The following ALK variants were observed in gnomAD, a reference collection of about 807,000 sequenced individuals.
ALK encodes the protein ALK tyrosine kinase receptor.
Under a neutral mutation model 163.1 loss-of-function variants are expected in ALK, and 74 were observed. The ratio of observed to expected loss-of-function variants is 0.45; its 90% CI spans 0.38 to 0.55. ALK has a LOEUF of 0.55. Among genes scored for constraint, ALK ranks in the 20% least tolerant of loss-of-function variants. The pLI, the probability that ALK is intolerant of heterozygous loss-of-function variation, is 0.00. For synonymous variants in ALK, 960 were observed against 843.2 expected (o/e 1.14, Z -2.40); for missense variants, 2,063 against 2,105.3 (o/e 0.98, Z 0.39).
intron 4 of ALK, among the ~76,000 whole-genome samples, chr2:29,488,203 A>G (rs896167563): frequency 3.9e-5 from 6 of 152,154 alleles, no homozygotes; most frequent in Admixed American, 2.0e-4. Context: ...CATTATTTGC[A>G]TTCTTTTAGT....
intron 5 of ALK, among the ~76,000 whole-genome samples, chr2:29,349,234 G>T (rs1301011708): frequency 6.6e-6 from 1 of 152,146 alleles, no homozygotes; most frequent in Non-Finnish European, 1.5e-5. Context: ...CTAATTACTG[G>T]GAAGCAGTGG....
In ALK at chr2:29,275,142, G is replaced by T; in HGVS notation, c.1998C>A (p.Pro666=). 1 of 1,614,092 alleles carries T rather than the reference G, an allele frequency of 6.2e-7. No individual in the cohort carries two copies. Among genetic ancestry groups the T allele is most frequent in the Non-Finnish European group, 8.5e-7 (1 of 1,180,024 alleles). The change falls in exon 11 of 29, where the codon CCC becomes CCA. Residue 666 remains proline, a synonymous_variant. Transcript: ENST00000389048. The part of the protein sequence containing the change: ...FERNPNKELK[P]GENSPRQTPI... Reference sequence around the variant, plus strand: ...GGGTCTGTCTTGGTGAATTTTCCCCGGGTTTCAGCTCCTTGTTTGGGTTTC... The same window carrying T: ...GGGTCTGTCTTGGTGAATTTTCCCCTGGTTTCAGCTCCTTGTTTGGGTTTC...
At position 29,556,232 on chromosome 2, in the gene ALK, T is replaced by C. The variant is rs889118608; in HGVS notation, c.953-24116A>G. ...GTCCTGGCTCTGCCATTACTTGCTG[T>C]GTGATCTTACTGTAGGACAAGGCAT... On this transcript the variant is annotated intron_variant, in intron 3 of 28. Coordinates refer to ENST00000389048, the MANE Select transcript of ALK (RefSeq NM_004304.5). 2.0e-5 allele frequency among the ~76,000 whole-genome samples: 3 copies of C among 152,312 alleles called. No individual in the cohort carries two copies. The South Asian group carries it at 6.2e-4, about 32-fold the overall frequency.
intron 10 of ALK, 22 bp downstream of exon 10, chr2:29,275,380 G>C: frequency 6.2e-7 from 1 of 1,613,008 alleles, no homozygotes; most frequent in South Asian, 1.1e-5. Flanking sequence ...GGGACAGAGT[G>C]CTGGGGTCAG....
At chr2:29,688,041 G>A (rs142944585) in intron 3 of ALK, among the ~76,000 whole-genome samples, 71 of 152,308 alleles carry the variant, frequency 4.7e-4, no homozygotes, top group African/African-American at 1.6e-3. Flanking sequence ...GATATATCTC[G>A]ACTTTGGAGA....
At chr2:29,744,108 C>T (rs1230728155) in intron 1 of ALK, among the ~76,000 whole-genome samples, 2 of 152,050 alleles carry the variant, frequency 1.3e-5, no homozygotes, top group African/African-American at 4.8e-5. Context: ...TATTAGTTTC[C>T]TACATGACCT....
rs75535631 is a variant in ALK, at chr2:29,623,434, A to C, written c.952+71416T>G. ...TATGATAAAACATTAAATGAAAATGACATAAAACACATGGACAGGATGATA... is the reference window on the plus strand; with the variant it reads ...TATGATAAAACATTAAATGAAAATGCCATAAAACACATGGACAGGATGATA... On this transcript the variant is annotated intron_variant, in intron 3 of 28. Transcript: ENST00000389048. 4.0e-3 allele frequency among the ~76,000 whole-genome samples: 612 copies of C among 152,310 alleles called. 8 individuals are homozygous for C. Among genetic ancestry groups the C allele is most frequent in the African/African-American group, 0.014 (583 of 41,560 alleles).
chr2:29,494,111 T>A (rs1257510017), intron 4 of ALK, among the ~76,000 whole-genome samples: 1 of 152,198 alleles, frequency 6.6e-6, no homozygotes, highest in African/African-American at 2.4e-5. Context: ...GGCTTAGATG[T>A]GTGGCTTAGA....
intron 3 of ALK, among the ~76,000 whole-genome samples, chr2:29,632,439 GATTAA>G (rs1406203215): frequency 2.6e-5 from 4 of 152,064 alleles, no homozygotes; most frequent in South Asian, 2.1e-4. Flanking sequence ...TAAGAGATAA[GATTAA>G]ATTAAAGTTA....
chr2:29,502,235 C>T (rs577490850), intron 4 of ALK, among the ~76,000 whole-genome samples: 2 of 152,282 alleles, frequency 1.3e-5, no homozygotes, highest in South Asian at 2.1e-4. Flanking sequence ...TTCTCTAATG[C>T]GAGTCCCTTG....
At chr2:29,727,646 T>C (rs960328539) in intron 1 of ALK, among the ~76,000 whole-genome samples, 2 of 152,216 alleles carry the variant, frequency 1.3e-5, no homozygotes, top group Non-Finnish European at 2.9e-5. Flanking sequence ...ATCCTTGTGC[T>C]TTTACTAAGG....
chr2:29,357,076 A>T (rs1464960764), intron 5 of ALK, among the ~76,000 whole-genome samples: 2 of 152,148 alleles, frequency 1.3e-5, no homozygotes, highest in African/African-American at 4.8e-5. Flanking sequence ...CATGGTACTC[A>T]CTTCTGCTCT....
intron 4 of ALK, among the ~76,000 whole-genome samples, chr2:29,405,523 T>A (rs1317251069): frequency 6.6e-6 from 1 of 152,184 alleles, no homozygotes; most frequent in Non-Finnish European, 1.5e-5. Flanking sequence ...TTGTGTTGAG[T>A]TCCTACGGCA....
At chr2:29,354,880 C>A (rs1394288139) in intron 5 of ALK, among the ~76,000 whole-genome samples, 2 of 151,852 alleles carry the variant, frequency 1.3e-5, no homozygotes, top group Non-Finnish European at 2.9e-5. Flanking sequence ...CATTCTCCTG[C>A]CTCAGCCTCC....
At chr2:29,735,807 A>G (rs113975650) in intron 1 of ALK, among the ~76,000 whole-genome samples, 2 of 152,092 alleles carry the variant, frequency 1.3e-5, no homozygotes, top group African/African-American at 4.8e-5. Context: ...ATTTGCTTCA[A>G]TTTCTGCCAC....
intron 9 of ALK, among the ~76,000 whole-genome samples, chr2:29,278,983 G>GA (rs11423128): frequency 0.91 from 137,881 of 152,064 alleles, 63,455 homozygotes; most frequent in Non-Finnish European, 0.99. Flanking sequence ...TGTGCCTGGG[G>GA]GGGGGGACAG....
intron 5 of ALK, among the ~76,000 whole-genome samples, chr2:29,353,601 C>T (rs1668170671): frequency 6.6e-6 from 1 of 152,034 alleles, no homozygotes; most frequent in Non-Finnish European, 1.5e-5. Flanking sequence ...CTGCTCCTGT[C>T]TGTACACCAG....
intron 1 of ALK, among the ~76,000 whole-genome samples, chr2:29,753,747 G>A (rs1415993915): frequency 3.3e-5 from 5 of 152,034 alleles, no homozygotes; most frequent in East Asian, 1.9e-4. Flanking sequence ...GTTTAAACTC[G>A]GCTGAACCAT....
chr2:29,613,581 G>C (rs746455702), intron 3 of ALK, among the ~76,000 whole-genome samples: 1 of 152,134 alleles, frequency 6.6e-6, no homozygotes, highest in Non-Finnish European at 1.5e-5. Flanking sequence ...TTTAGCCAGG[G>C]CGTATGTCAC....
Sources: allele counts gnomAD v4.1 joint callset (sites outside exome capture counted in the v4.1 genomes callset), GRCh38; gene constraint gnomAD v4.1.1; transcripts MANE v1.5; gene names NCBI Gene and HGNC (gene_info 2026-07-23, HGNC 2026-07-21).